NEK1: variants seen among roughly 807,000 people sequenced by gnomAD.
NEK1 encodes the protein NIMA related kinase 1.
A neutral mutation model predicts 182.1 loss-of-function variants in NEK1; 137 were observed. That is an observed-to-expected ratio of 0.75 (90% CI 0.65 to 0.87). NEK1 has a LOEUF of 0.87. NEK1 is among the 40% of genes least tolerant of loss of function. NEK1 has a pLI of 0.00. For missense variants in NEK1, 1,391 were observed against 1,494.4 expected (o/e 0.93, Z 1.14); for synonymous variants, 513 against 492.2 (o/e 1.04, Z -0.56).
intron 12 of NEK1, among the ~76,000 whole-genome samples, chr4:169,564,004 C>T (rs1763323281): frequency 1.3e-5 from 2 of 151,626 alleles, no homozygotes; most frequent in African/African-American, 4.8e-5. Flanking sequence ...TTTCTTTTTT[C>T]CAGGATTTCT....
intron 31 of NEK1, among the ~76,000 whole-genome samples, chr4:169,414,075 C>T (rs1258268921): frequency 6.6e-6 from 1 of 152,092 alleles, no homozygotes; most frequent in Non-Finnish European, 1.5e-5. Flanking sequence ...TGTCAAGCAG[C>T]TAGAACAGTA....
chr4:169,590,677 G>C, intron 6 of NEK1, 49 bp downstream of exon 6: 1 of 1,379,864 alleles, frequency 7.2e-7, no homozygotes, highest in Non-Finnish European at 1.0e-6. Flanking sequence ...AACAATGAAG[G>C]TTCCATGTCT....
intron 23 of NEK1, among the ~76,000 whole-genome samples, chr4:169,481,409 C>T (rs564398921): frequency 6.6e-6 from 1 of 152,212 alleles, no homozygotes; most frequent in Admixed American, 6.5e-5. Flanking sequence ...TGGCTACAGC[C>T]TTAAAAAAAT....
At chr4:169,408,075 C>T (rs910054229) in intron 31 of NEK1, among the ~76,000 whole-genome samples, 3 of 152,146 alleles carry the variant, frequency 2.0e-5, no homozygotes, top group Admixed American at 6.5e-5. Flanking sequence ...TATAAACTAG[C>T]AATATGTACC....
intron 5 of NEK1, among the ~76,000 whole-genome samples, chr4:169,596,984 C>T (rs1769615082): frequency 1.3e-5 from 2 of 152,170 alleles, no homozygotes; most frequent in South Asian, 4.1e-4. Flanking sequence ...TACACACACA[C>T]ATACACACAC....
intron 31 of NEK1, among the ~76,000 whole-genome samples, chr4:169,421,633 A>G (rs1735506635): frequency 6.6e-6 from 1 of 152,100 alleles, no homozygotes; most frequent in South Asian, 2.1e-4. Context: ...TCCTGCTGCC[A>G]TGTAAGATAT....
At chr4:169,495,655 A>T (rs1048284683) in intron 23 of NEK1, among the ~76,000 whole-genome samples, 1 of 152,230 alleles carries the variant, frequency 6.6e-6, no homozygotes, top group African/African-American at 2.4e-5. Context: ...TTTATTAAAT[A>T]GGGAATCCTT....
intron 23 of NEK1, 126 bp from the exon 24 acceptor site, chr4:169,479,660 C>T: frequency 1.3e-6 from 1 of 759,014 alleles, no homozygotes; most frequent in Non-Finnish European, 2.1e-6. Context: ...CCTGAATTAT[C>T]TGTTGAGCAA....
At chr4:169,573,948 C>T (rs183406136) in intron 12 of NEK1, among the ~76,000 whole-genome samples, 9 of 152,018 alleles carry the variant, frequency 5.9e-5, no homozygotes, top group Admixed American at 5.9e-4. Context: ...ATTGCTTGAG[C>T]CCAGGAGTTT....
chr4:169,581,430 C>A (rs909404054), intron 10 of NEK1, among the ~76,000 whole-genome samples: 4 of 151,936 alleles, frequency 2.6e-5, no homozygotes, highest in Non-Finnish European at 5.9e-5. Context: ...CCATGCCAGG[C>A]TGATTTAAAA....
intron 28 of NEK1, 32 bp from the exon 29 acceptor site, chr4:169,433,697 C>T (rs1305323087): frequency 6.2e-7 from 1 of 1,606,664 alleles, no homozygotes; most frequent in Non-Finnish European, 8.5e-7. Context: ...AGAGACATCT[C>T]AAAGCAAAAT....
chr4:169,533,548 G>A (rs1335054799), intron 19 of NEK1, among the ~76,000 whole-genome samples: 1 of 152,126 alleles, frequency 6.6e-6, no homozygotes, highest in South Asian at 2.1e-4. Flanking sequence ...TACTACCAGC[G>A]AAATGAAAAC....
chr4:169,464,754 C>A (rs918741212), intron 26 of NEK1, among the ~76,000 whole-genome samples: 2 of 151,514 alleles, frequency 1.3e-5, no homozygotes, highest in African/African-American at 4.8e-5. Context: ...AAATAGAAAA[C>A]AAATCTTAAA....
intron 18 of NEK1, among the ~76,000 whole-genome samples, chr4:169,552,628 G>T (rs972035333): frequency 3.9e-5 from 6 of 152,086 alleles, no homozygotes; most frequent in Non-Finnish European, 8.8e-5. Context: ...AAGGTATACA[G>T]ACTGGGAAGG....
At chr4:169,570,778 C>T (rs1259790025) in intron 12 of NEK1, among the ~76,000 whole-genome samples, 5 of 152,138 alleles carry the variant, frequency 3.3e-5, no homozygotes, top group East Asian at 1.9e-4. Flanking sequence ...GGATGGTTGC[C>T]GTGTCTGTGT....
At chr4:169,423,883 T>C (rs1377044674) in intron 31 of NEK1, among the ~76,000 whole-genome samples, 1 of 152,202 alleles carries the variant, frequency 6.6e-6, no homozygotes, top group African/African-American at 2.4e-5. Context: ...CAAAGTGCTA[T>C]TTTCATCACA....
chr4:169,571,215 T>C (rs895231859), intron 12 of NEK1, among the ~76,000 whole-genome samples: 1 of 131,896 alleles, frequency 7.6e-6, no homozygotes, highest in Admixed American at 7.3e-5. Context: ...AATAAATAAA[T>C]AAATAAAAAG....
intron 27 of NEK1, among the ~76,000 whole-genome samples, chr4:169,440,723 G>A (rs1429107523): frequency 6.6e-6 from 1 of 152,192 alleles, no homozygotes; most frequent in African/African-American, 2.4e-5. Context: ...AATGGTAAGA[G>A]AGATCCCCAG....
At chr4:169,502,561 T>G (rs756628864) in intron 23 of NEK1, among the ~76,000 whole-genome samples, 4 of 152,114 alleles carry the variant, frequency 2.6e-5, no homozygotes, top group Non-Finnish European at 5.9e-5. Flanking sequence ...ATTCCTGGGA[T>G]GCAAGGATGG....
Sources: gnomAD v4.1 joint callset for allele counts (sites outside exome capture counted in the v4.1 genomes callset) on GRCh38, gnomAD v4.1.1 for gene constraint, MANE v1.5 for transcripts, NCBI Gene and HGNC (gene_info 2026-07-23, HGNC 2026-07-21) for gene names.